E2F5: variants seen among roughly 807,000 people sequenced by gnomAD.
E2F5 encodes E2F transcription factor 5.
Under a neutral mutation model 39.1 loss-of-function variants are expected in E2F5, and 23 were observed. That is an observed-to-expected ratio of 0.59 (90% CI 0.42 to 0.83). The LOEUF is 0.83. E2F5 is among the 40% of genes least tolerant of loss of function. The pLI is 0.00. For synonymous variants in E2F5, 145 were observed against 157.8 expected, an observed-to-expected ratio of 0.92 and a Z score of 0.61; for missense variants, 365 against 406.7, an observed-to-expected ratio of 0.90 and a Z score of 0.88.
intron 1 of E2F5, among the ~76,000 whole-genome samples, chr8:85,193,200 C>T (rs1202426304): frequency 6.6e-6 from 1 of 151,716 alleles, no homozygotes; most frequent in Non-Finnish European, 1.5e-5. Flanking sequence ...TTAAAATGTT[C>T]CTGGCCAGGT....
intron 3 of E2F5, among the ~76,000 whole-genome samples, chr8:85,204,598 C>T (rs574635527): frequency 2.7e-4 from 41 of 151,590 alleles, no homozygotes; most frequent in African/African-American, 7.3e-4. Context: ...TGCTAAATGA[C>T]GAGTTATTGG....
At chr8:85,206,542 A>T (rs3779901) in intron 4 of E2F5, among the ~76,000 whole-genome samples, 4 of 151,866 alleles carry the variant, frequency 2.6e-5, no homozygotes, top group Non-Finnish European at 5.9e-5. Flanking sequence ...GTTAGTGACC[A>T]AACTTGAACT....
intron 1 of E2F5, among the ~76,000 whole-genome samples, chr8:85,181,329 A>G (rs1452436761): frequency 6.6e-6 from 1 of 151,454 alleles, no homozygotes; most frequent in Non-Finnish European, 1.5e-5. Flanking sequence ...TCTTAGTGAC[A>G]CATTTCTTCT....
intron 1 of E2F5, among the ~76,000 whole-genome samples, chr8:85,196,381 G>A (rs1812580578): frequency 6.6e-6 from 1 of 151,972 alleles, no homozygotes; most frequent in Non-Finnish European, 1.5e-5. Flanking sequence ...ATTCTATAAA[G>A]TGTTGGTCAC....
Position 85,209,339 on chromosome 8 carries a change from T to G in E2F5, c.813T>G (p.Asn271Lys). ...AGAAATCCAGCATGGCAACTCAAAA[T>G]CTGCCTGAGCAACATGTCTCTGAAA... ...TPQKSSMATQ[N>K]LPEQHVSERS... The change falls in exon 6 of 8, where the codon AAT (asparagine) becomes AAG (lysine). Residue 271 changes from asparagine (N) to lysine (K), a missense_variant. Physicochemically the swap from Asn to Lys is moderately conservative, Grantham distance 94. Coordinates refer to ENST00000416274, the MANE Select transcript of E2F5 (RefSeq NM_001951.4). 1 of 1,613,964 alleles carries G rather than the reference T, an allele frequency of 6.2e-7. No homozygotes were observed.
At chr8:85,192,055 G>A (rs970356628) in intron 1 of E2F5, among the ~76,000 whole-genome samples, 1 of 152,158 alleles carries the variant, frequency 6.6e-6, no homozygotes, top group Non-Finnish European at 1.5e-5. Flanking sequence ...AAGAAATGGA[G>A]AGATTCTGGT....
rs1813012919 is a variant in E2F5 at position 85,213,768 on chromosome 8, G to A, written c.947G>A (p.Arg316Lys). The A allele has an allele frequency of 6.2e-7, 1 of 1,611,634 alleles. No homozygotes were observed. The highest frequency in any genetic ancestry group is 1.1e-5 in the South Asian group (1 of 90,904). ...TTGTTCGCAGTGTTTCCTCTCTTAA[G>A]GCTTTCTCCTACCCCGGCAGATGAC... is the stretch of plus-strand genomic sequence containing the variant. ...LMSSDVFPLL[R>K]LSPTPADDYN... The change falls in exon 8 of 8, where the codon AGG (arginine) becomes AAG (lysine). Residue 316 changes from arginine (R) to lysine (K), a missense_variant. Physicochemically the swap from Arg to Lys is conservative, Grantham distance 26 (BLOSUM62 2). Transcript: ENST00000416274.
chr8:85,178,531 G>T (rs1011833783), intron 1 of E2F5, among the ~76,000 whole-genome samples: 1 of 152,164 alleles, frequency 6.6e-6, no homozygotes, highest in Admixed American at 6.5e-5. Flanking sequence ...TGAGAATGTG[G>T]TCACTCCGCG....
intron 6 of E2F5, 141 bp downstream of exon 6, chr8:85,209,550 A>G (rs2129754084): frequency 1.9e-6 from 2 of 1,035,676 alleles, no homozygotes; most frequent in Non-Finnish European, 2.7e-6. Context: ...ATAATAACAT[A>G]TCTTGGGGAT....
chr8:85,204,533 G>A (rs1284041574), intron 3 of E2F5, among the ~76,000 whole-genome samples: 2 of 126,066 alleles, frequency 1.6e-5, no homozygotes, highest in Non-Finnish European at 3.3e-5. Context: ...CACACACCAG[G>A]GACTGTTGTG....
chr8:85,189,472 C>T (rs569561896), intron 1 of E2F5, among the ~76,000 whole-genome samples: 11 of 152,178 alleles, frequency 7.2e-5, no homozygotes, highest in African/African-American at 1.9e-4. Flanking sequence ...CAGGCTCAAG[C>T]GAGTCTCCTG....
intron 1 of E2F5, among the ~76,000 whole-genome samples, chr8:85,186,324 G>A (rs757404830): frequency 6.6e-5 from 10 of 152,056 alleles, no homozygotes; most frequent in South Asian, 4.1e-4. Context: ...CATGGACACA[G>A]GGAGGGGAAC....
At position 85,199,907 on chromosome 8, in the gene E2F5, G is replaced by T. The variant is rs149494808; in HGVS notation, c.235-2240G>T. Among the ~76,000 whole-genome samples, 408 of 152,272 alleles carry T rather than the reference G, an allele frequency of 2.7e-3. 3 individuals carry two copies. Among genetic ancestry groups the T allele is most frequent in the African/African-American group, 9.2e-3 (382 of 41,550 alleles). On this transcript the variant is annotated intron_variant, in intron 1 of 7. Transcript: ENST00000416274. ...GGCCAGCTGAAGATAGGAAGTGGCA[G>T]CCCTGGGACTGGATCTCAGTGTGTT...
chr8:85,186,545 TGGTATATACATAA>T (rs1812338462), intron 1 of E2F5, among the ~76,000 whole-genome samples: 1 of 149,488 alleles, frequency 6.7e-6, no homozygotes, highest in Non-Finnish European at 1.5e-5. Flanking sequence ...TATATATATA[TGGTATATACATAA>T]GGTATATATA....
chr8:85,210,633 A>G (rs1311786754), intron 6 of E2F5, among the ~76,000 whole-genome samples: 3 of 151,764 alleles, frequency 2.0e-5, no homozygotes, highest in East Asian at 3.9e-4. Context: ...GTGAGCCGAG[A>G]TCGCACCACT....
intron 1 of E2F5, among the ~76,000 whole-genome samples, chr8:85,201,415 T>C (rs1221515897): frequency 6.6e-6 from 1 of 152,254 alleles, no homozygotes; most frequent in Non-Finnish European, 1.5e-5. Flanking sequence ...TTTGTTCTTT[T>C]GGGAACACAC....
At chr8:85,177,892 T>C (rs1812121023) in intron 1 of E2F5, 2 of 613,108 alleles carry the variant, frequency 3.3e-6, no homozygotes, top group Non-Finnish European at 4.3e-6. Context: ...GGCGCCACGC[T>C]GGGCTCTCGA....
chr8:85,191,383 A>G (rs1812460249), intron 1 of E2F5, among the ~76,000 whole-genome samples: 1 of 152,208 alleles, frequency 6.6e-6, no homozygotes, highest in Admixed American at 6.5e-5. Context: ...GTTAATAACA[A>G]TGTATTGCCT....
chr8:85,189,308 A>G (rs1812411990), intron 1 of E2F5, among the ~76,000 whole-genome samples: 1 of 152,200 alleles, frequency 6.6e-6, no homozygotes, highest in Non-Finnish European at 1.5e-5. Flanking sequence ...AACAATTTTT[A>G]GTATTTCCCA....
Sources: gnomAD v4.1 joint callset for allele counts (sites outside exome capture counted in the v4.1 genomes callset) on GRCh38, gnomAD v4.1.1 for gene constraint, MANE v1.5 for transcripts, NCBI Gene and HGNC (gene_info 2026-07-23, HGNC 2026-07-21) for gene names.